Variants in DPYSL5 observed in about 807,000 individuals in gnomAD.
The protein encoded by DPYSL5 is dihydropyrimidinase-related protein 5.
In DPYSL5, 9 loss-of-function variants were observed where a neutral mutation model predicts 58.4. That is an observed-to-expected ratio of 0.15 (90% CI 0.09 to 0.27). DPYSL5 has a LOEUF of 0.27. Among genes scored for constraint, DPYSL5 ranks in the 10% least tolerant of loss-of-function variants. DPYSL5 has a pLI of 1.00. For synonymous variants in DPYSL5, 293 were observed against 301.9 expected (o/e 0.97, Z 0.31); for missense variants, 499 against 770.6 (o/e 0.65, Z 4.17).
At chr2:26,917,718 C>T (rs1269037322) in intron 2 of DPYSL5, among the ~76,000 whole-genome samples, 1 of 152,178 alleles carries the variant, frequency 6.6e-6, no homozygotes, top group Admixed American at 6.5e-5. Context: ...CAGGCCAGCG[C>T]AGGTGATAAG....
rs530281122 is a variant in DPYSL5, at chr2:26,948,977, C to T, written c.*1982C>T. ...TCATGACAATGGAGCACTTATTATT[C>T]TTCCCATTTTACAGATGAGGAAACT... On this transcript the variant is annotated 3_prime_UTR_variant, in exon 13 of 13. Coordinates refer to ENST00000288699, the MANE Select transcript of DPYSL5 (RefSeq NM_020134.4). 6.6e-6 allele frequency: 1 copy of T among 152,216 alleles called. No homozygotes were observed. Among genetic ancestry groups the T allele is most frequent in the African/African-American group, 2.4e-5 (1 of 41,434 alleles). The allele number at this position is 152,216 out of a possible 1,614,324, so 9.4% of individuals were successfully genotyped here.
At chr2:26,929,000 G>A (rs1242349537) in intron 5 of DPYSL5, among the ~76,000 whole-genome samples, 1 of 151,866 alleles carries the variant, frequency 6.6e-6, no homozygotes, top group Non-Finnish European at 1.5e-5. Context: ...TGGACCAGGG[G>A]TCACCAACCC....
At chr2:26,914,863 C>T (rs1213531693) in intron 2 of DPYSL5, among the ~76,000 whole-genome samples, 4 of 152,108 alleles carry the variant, frequency 2.6e-5, no homozygotes, top group Non-Finnish European at 5.9e-5. Flanking sequence ...AAGGGGAGCT[C>T]ACCTCTTCTT....
In DPYSL5 at chr2:26,949,594, G is replaced by A. The variant is rs1266913379; in HGVS notation, c.*2599G>A. On this transcript the variant is annotated 3_prime_UTR_variant, in exon 13 of 13. Transcript: ENST00000288699. Reference sequence around the variant, plus strand: ...CAGCTGGGCAGAGCATCCTTGCTTGGGCTAGGAAAGCTTTACCTTCTCTGA... The same window carrying A: ...CAGCTGGGCAGAGCATCCTTGCTTGAGCTAGGAAAGCTTTACCTTCTCTGA... 6.6e-6 allele frequency: 1 copy of A among 152,342 alleles called. No individual in the cohort carries two copies. Among genetic ancestry groups the A allele is most frequent in the Non-Finnish European group, 1.5e-5 (1 of 68,168 alleles). The allele number at this position is 152,342 out of a possible 1,614,324, so 9.4% of individuals were successfully genotyped here. A position where few individuals can be genotyped will look rare whatever the true frequency, so the allele number is the denominator to read the frequency against.
In DPYSL5 at chr2:26,934,606, T is replaced by G; in HGVS notation, c.819T>G (p.Thr273=). ...AGGTTGTGCTGGCGGAGACCACCAC[T>G]GCACATGCCACGCTGACAGGCTTAC... ...QGKVVLAETT[T]AHATLTGLHY... is the part of the protein sequence containing the mutation. Residue 273 remains threonine (T), a synonymous_variant, in exon 8 of 13, where the codon ACT becomes ACG. Coordinates refer to ENST00000288699, the MANE Select transcript of DPYSL5 (RefSeq NM_020134.4). The surrounding 1 kb of genome is among the most constrained non-coding windows in gnomAD (Gnocchi z 4.3). The G allele has an allele frequency of 2.5e-6, 4 of 1,613,426 alleles. No homozygotes were observed. The highest frequency in any genetic ancestry group is 3.4e-6 in the Non-Finnish European group (4 of 1,180,016).
Position 26,934,642 on chromosome 2 carries a change from C to T in DPYSL5, c.855C>T (p.His285=). The T allele has an allele frequency of 6.2e-7, 1 of 1,614,134 alleles. No individual in the cohort carries two copies. Among genetic ancestry groups the T allele is most frequent in the Non-Finnish European group, 8.5e-7 (1 of 1,180,046 alleles). ...CGCTGACAGGCTTACACTACTACCA[C>T]CAGGACTGGTCCCACGCGGCTGCCT... ...HATLTGLHYY[H]QDWSHAAAYV... is the part of the protein sequence containing the mutation. The change falls in exon 8 of 13, where the codon CAC becomes CAT. Residue 285 remains histidine, a synonymous_variant. Transcript: ENST00000288699. This position sits in a 1 kb window ranked among gnomAD's most constrained non-coding sequence, Gnocchi z 4.3.
intron 9 of DPYSL5, among the ~76,000 whole-genome samples, chr2:26,940,989 T>C (rs1408362700): frequency 6.7e-6 from 1 of 150,166 alleles, no homozygotes; most frequent in Non-Finnish European, 1.5e-5. Context: ...CGGGCTGGAG[T>C]ACAATGGCGC....
intron 2 of DPYSL5, among the ~76,000 whole-genome samples, chr2:26,919,609 G>A (rs1205298712): frequency 2.0e-5 from 3 of 152,144 alleles, no homozygotes; most frequent in African/African-American, 4.8e-5. Context: ...TGCTTGGCTG[G>A]ACAGATTTTT....
At chr2:26,894,326 G>A (rs930792520) in intron 1 of DPYSL5, among the ~76,000 whole-genome samples, 3 of 151,900 alleles carry the variant, frequency 2.0e-5, no homozygotes, top group East Asian at 1.9e-4. Context: ...CCACTCCCAC[G>A]AGCTCTCAGC....
At chr2:26,932,024 AAG>A (rs1665004193) in intron 6 of DPYSL5, among the ~76,000 whole-genome samples, 1 of 135,106 alleles carries the variant, frequency 7.4e-6, no homozygotes, top group Non-Finnish European at 1.6e-5. Context: ...AAAAAAAAAA[AAG>A]AAAGAAAAGA....
intron 6 of DPYSL5, among the ~76,000 whole-genome samples, chr2:26,932,056 A>G (rs931691943): frequency 8.8e-5 from 2 of 22,806 alleles, no homozygotes. Context: ...AAGGAAAGAA[A>G]GAAAGAAAGA....
At chr2:26,881,675 G>GGA (rs564734994) in intron 1 of DPYSL5, among the ~76,000 whole-genome samples, 365 of 152,252 alleles carry the variant, frequency 2.4e-3, no homozygotes, top group Non-Finnish European at 4.2e-3. Flanking sequence ...ACTTCTTTTG[G>GGA]GAGAGAGAGC....
intron 1 of DPYSL5, among the ~76,000 whole-genome samples, chr2:26,850,951 T>C (rs1269635501): frequency 1.3e-5 from 2 of 150,782 alleles, no homozygotes; most frequent in African/African-American, 5.0e-5. Context: ...CTGAATTATA[T>C]ATATGTATAT....
chr2:26,927,127 T>A lies in DPYSL5; in HGVS notation c.421-126T>A. The A allele has an allele frequency of 1.1e-6, 1 of 943,228 alleles. No individual in the cohort carries two copies. Among genetic ancestry groups the A allele is most frequent in the Admixed American group, 2.7e-5 (1 of 37,406 alleles). 58.4% of individuals were successfully genotyped at this position (943,228 alleles called of 1,614,324 possible). The stretch of plus-strand genomic sequence containing the variant: ...GGGAGGAAAGTGAGATAGAGAGGTG[T>A]GGGGGGTCAACCGACAGACTGAGCT... On this transcript the variant is annotated intron_variant, in intron 3 of 12. Transcript: ENST00000288699. This position sits in a 1 kb window ranked among gnomAD's most constrained non-coding sequence, Gnocchi z 4.3.
intron 6 of DPYSL5, among the ~76,000 whole-genome samples, chr2:26,932,476 C>A (rs1184699865): frequency 6.6e-6 from 1 of 152,258 alleles, no homozygotes; most frequent in Non-Finnish European, 1.5e-5. Context: ...GCAAAGAGAA[C>A]AGAATAACAT....
At position 26,948,842 on chromosome 2, in the gene DPYSL5, G is replaced by C. The variant is rs1665557836; in HGVS notation, c.*1847G>C. The C allele has an allele frequency of 6.6e-6, 1 of 152,650 alleles. No individual in the cohort carries two copies. The highest frequency in any genetic ancestry group is 1.5e-5 in the Non-Finnish European group (1 of 68,428). The allele number at this position is 152,650 out of a possible 1,614,324, so 9.5% of individuals were successfully genotyped here. A position where few individuals can be genotyped will look rare whatever the true frequency, so the allele number is the denominator to read the frequency against. On this transcript the variant is annotated 3_prime_UTR_variant, in exon 13 of 13. Transcript: ENST00000288699. ...ACTGCACTTCAGCCTGGACGACAGA[G>C]TGAGACTCCATCTCAAAAAACAGAC...
intron 2 of DPYSL5, among the ~76,000 whole-genome samples, chr2:26,923,489 G>A (rs897432392): frequency 6.6e-6 from 1 of 152,166 alleles, no homozygotes; most frequent in Non-Finnish European, 1.5e-5. Flanking sequence ...ATCCAGAGAA[G>A]TTAAGTAACC....
Position 26,877,128 on chromosome 2 carries a change from G to A in DPYSL5, c.-4-21368G>A, listed in dbSNP as rs575555016. Among the ~76,000 whole-genome samples, 2 of 151,566 alleles carry A rather than the reference G, an allele frequency of 1.3e-5. No individual in the cohort carries two copies. The highest frequency in any genetic ancestry group is 2.0e-4 in the East Asian group (1 of 5,116). ...ATTATAGGCGCCTGCCACCAAGCCC[G>A]GCTAATTTTTGTATTTTTAGTAGAA... On this transcript the variant is annotated intron_variant, in intron 1 of 12. Transcript: ENST00000288699. This position sits in a 1 kb window ranked among gnomAD's most constrained non-coding sequence, Gnocchi z 4.1.
chr2:26,893,550 AACATGGAATTGGTCT>A (rs1289350259), intron 1 of DPYSL5, among the ~76,000 whole-genome samples: 3 of 152,228 alleles, frequency 2.0e-5, no homozygotes, highest in Non-Finnish European at 4.4e-5. Context: ...CCTGAAAACA[AACATGGAATTGGTCT>A]ACTACTCATT....
Sources: allele counts gnomAD v4.1 joint callset (sites outside exome capture counted in the v4.1 genomes callset), GRCh38; gene constraint gnomAD v4.1.1; non-coding constraint Gnocchi (gnomAD v3.1); transcripts MANE v1.5; gene names NCBI Gene and HGNC (gene_info 2026-07-23, HGNC 2026-07-21).